The following RYR2 variants were observed in gnomAD, a reference collection of about 807,000 sequenced individuals.
The protein encoded by RYR2 is ryanodine receptor 2, also known as cardiac muscle ryanodine receptor-calcium release channel.
In RYR2, 227 loss-of-function variants were observed where a neutral mutation model predicts 601.1. The ratio of observed to expected loss-of-function variants is 0.38; its 90% CI spans 0.34 to 0.42. The LOEUF (loss-of-function observed/expected upper bound fraction) is 0.42, where lower values mean the gene tolerates loss of function less well. RYR2 is among the 10% of genes least tolerant of loss of function. The pLI, the probability that RYR2 is intolerant of heterozygous loss-of-function variation, is 1.00. For missense variants in RYR2, 4,646 were observed against 6,156.5 expected, an observed-to-expected ratio of 0.75 and a Z score of 8.21; for synonymous variants, 2,223 against 2,175.1, an observed-to-expected ratio of 1.02 and a Z score of -0.61.
rs181839017 is a variant in RYR2 at position 237,762,615 on chromosome 1, C to T, written c.11476+1587C>T. 4.2e-4 allele frequency among the ~76,000 whole-genome samples: 64 copies of T among 152,214 alleles called. No individual in the cohort carries two copies. The East Asian group carries it at 9.5e-3, about 22-fold the overall frequency. On this transcript the variant is annotated intron_variant, in intron 84 of 104. Transcript: ENST00000366574. Reference sequence around the variant, plus strand: ...CCTCAGCCTCCTTTCCTTCGTCAGGCGGATATGGGTTGGAATAACATTTTC... The same window carrying T: ...CCTCAGCCTCCTTTCCTTCGTCAGGTGGATATGGGTTGGAATAACATTTTC...
chr1:237,428,002 G>T (rs1422898450), intron 12 of RYR2, among the ~76,000 whole-genome samples: 2 of 152,032 alleles, frequency 1.3e-5, no homozygotes, highest in African/African-American at 4.8e-5. Context: ...ATGAAAAAAA[G>T]CTCAACATCA....
intron 5 of RYR2, among the ~76,000 whole-genome samples, chr1:237,366,753 A>G (rs982392868): frequency 6.6e-6 from 1 of 152,034 alleles, no homozygotes; most frequent in African/African-American, 2.4e-5. Context: ...GCTTTACGGT[A>G]AAAGGAGCAC....
Position 237,674,139 on chromosome 1 carries a change from A to G in RYR2, c.8634A>G (p.Thr2878=), listed in dbSNP as rs1447759730. 1 of 1,612,114 alleles carries G rather than the reference A, an allele frequency of 6.2e-7. No individual in the cohort carries two copies. Among genetic ancestry groups the G allele is most frequent in the African/African-American group, 1.3e-5 (1 of 74,884 alleles). Residue 2878 remains threonine, a synonymous_variant, in exon 59 of 105, where the codon ACA becomes ACG. Coordinates refer to ENST00000366574, the MANE Select transcript of RYR2 (RefSeq NM_001035.3). ...HPLLVPYDTL[T]AKEKAKDREK... is the part of the protein sequence containing the mutation. ...TGCTGGTGCCCTATGATACACTGAC[A>G]GCCAAAGAGAAAGCCAAGGATAGAG...
At chr1:237,611,146 C>T (rs1053231868) in intron 36 of RYR2, among the ~76,000 whole-genome samples, 158 bp downstream of exon 36, 3 of 152,108 alleles carry the variant, frequency 2.0e-5, no homozygotes, top group Admixed American at 6.6e-5. Flanking sequence ...CATTATTCTG[C>T]GTATTCTAAG....
At chr1:237,188,272 T>G (rs2148985618) in intron 1 of RYR2, among the ~76,000 whole-genome samples, 1 of 151,666 alleles carries the variant, frequency 6.6e-6, no homozygotes, top group South Asian at 2.1e-4. Flanking sequence ...TTTTCACCTA[T>G]TCATTCTTGG....
intron 1 of RYR2, among the ~76,000 whole-genome samples, chr1:237,242,199 TTTGTTTG>T (rs1486007989): frequency 1.7e-3 from 11 of 6,314 alleles, no homozygotes; most frequent in East Asian, 0.1. Flanking sequence ...CACTGTTTTT[TTTGTTTG>T]TTTGTTTGTT....
chr1:237,149,966 T>C (rs1170170252), intron 1 of RYR2, among the ~76,000 whole-genome samples: 2 of 152,198 alleles, frequency 1.3e-5, no homozygotes, highest in Non-Finnish European at 2.9e-5. Context: ...AAGATGAGTT[T>C]GAAGGCTCAA....
chr1:237,253,621 G>A (rs769582611), intron 1 of RYR2, among the ~76,000 whole-genome samples: 1 of 152,186 alleles, frequency 6.6e-6, no homozygotes, highest in Non-Finnish European at 1.5e-5. Flanking sequence ...GAAAACAGCA[G>A]TTGAACTGAA....
intron 8 of RYR2, among the ~76,000 whole-genome samples, chr1:237,378,283 C>T (rs529267817): frequency 2.0e-5 from 3 of 152,208 alleles, no homozygotes; most frequent in African/African-American, 7.2e-5. Flanking sequence ...GGTGGGGACA[C>T]AGCCGAACCA....
rs535543336 is a variant in RYR2 at position 237,734,819 on chromosome 1, G to A, written c.11091+1063G>A. On this transcript the variant is annotated intron_variant, in intron 79 of 104. Transcript: ENST00000366574. ...GCCTGTGAGACATCTAAGTGGAGGT[G>A]TCAAACATGCAATTAGACATTCATG... 1.8e-4 allele frequency among the ~76,000 whole-genome samples: 28 copies of A among 152,286 alleles called. 1 individual carries two copies. In the South Asian group the frequency reaches 5.2e-3, roughly 28 times the overall value.
At chr1:237,827,915 T>A (rs567085695) in intron 101 of RYR2, among the ~76,000 whole-genome samples, 12 of 108,894 alleles carry the variant, frequency 1.1e-4, no homozygotes, top group Non-Finnish European at 1.7e-4. Flanking sequence ...CCAGCCTGGG[T>A]GACAGAATGA....
At chr1:237,200,290 G>C (rs1304011928) in intron 1 of RYR2, among the ~76,000 whole-genome samples, 2 of 150,856 alleles carry the variant, frequency 1.3e-5, no homozygotes, top group African/African-American at 4.9e-5. Flanking sequence ...TTTAGGTAGA[G>C]TCTCACTCTG....
chr1:237,499,084 G>A (rs1195419358), intron 20 of RYR2, among the ~76,000 whole-genome samples: 2 of 151,966 alleles, frequency 1.3e-5, no homozygotes, highest in East Asian at 3.8e-4. Flanking sequence ...CTTCTTAATG[G>A]TTGATGTACA....
rs772404939 is a variant in RYR2 at position 237,805,580 on chromosome 1, CAAAAAAAAAAAAAAAAAAAAAA to C, written c.14152-553_14152-532del. Among the ~76,000 whole-genome samples the C allele has an allele frequency of 3.5e-4, 13 of 37,660 alleles. 1 individual carries two copies. The East Asian group carries it at 3.5e-3, about 10-fold the overall frequency. The allele number at this position is 37,660 out of a possible 152,430, so 24.7% of individuals were successfully genotyped here. A position where few individuals can be genotyped will look rare whatever the true frequency, so the allele number is the denominator to read the frequency against. ...TGGGCGACAGAGCTAGACTCTGTCT[CAAAAAAAAAAAAAAAAAAAAAA>C]AAAGTATAGTGTACGAAGATGAAGT... On this transcript the variant is annotated intron_variant, in intron 98 of 104. Coordinates refer to ENST00000366574, the MANE Select transcript of RYR2 (RefSeq NM_001035.3).
At chr1:237,703,604 C>T (rs1558252380) in intron 66 of RYR2, among the ~76,000 whole-genome samples, 1 of 147,400 alleles carries the variant, frequency 6.8e-6, no homozygotes, top group Non-Finnish European at 1.5e-5. Context: ...ATACATAAAA[C>T]ATATATATAT....
At chr1:237,778,039 A>G (rs1299306327) in intron 87 of RYR2, among the ~76,000 whole-genome samples, 1 of 152,212 alleles carries the variant, frequency 6.6e-6, no homozygotes, top group East Asian at 1.9e-4. Flanking sequence ...GGAACGCAAG[A>G]CACTGGAGCC....
At chr1:237,801,759 C>CT in intron 97 of RYR2, 97 bp from the exon 98 acceptor site, 1 of 679,102 alleles carries the variant, frequency 1.5e-6, no homozygotes, top group Non-Finnish European at 2.5e-6. Flanking sequence ...GTGTCCAAGT[C>CT]TTGTCCCATT....
At chr1:237,119,769 A>G (rs1233463945) in intron 1 of RYR2, among the ~76,000 whole-genome samples, 2 of 152,148 alleles carry the variant, frequency 1.3e-5, no homozygotes, top group African/African-American at 4.8e-5. Flanking sequence ...ACCTGGGGGA[A>G]AGCCTTTCAC....
chr1:237,248,423 A>G (rs1490868419), intron 1 of RYR2, among the ~76,000 whole-genome samples: 4 of 151,712 alleles, frequency 2.6e-5, no homozygotes, highest in Admixed American at 1.3e-4. Context: ...TTCAACATGA[A>G]CTCTGGGGTT....
Sources: gnomAD v4.1 joint callset for allele counts (sites outside exome capture counted in the v4.1 genomes callset) on GRCh38, gnomAD v4.1.1 for gene constraint, MANE v1.5 for transcripts, NCBI Gene and HGNC (gene_info 2026-07-23, HGNC 2026-07-21) for gene names.